SCARA5: variants seen among roughly 807,000 people sequenced by gnomAD.
SCARA5 encodes the protein scavenger receptor class A, member 5 (putative).
A neutral mutation model predicts 46.3 loss-of-function variants in SCARA5; 45 were observed. The observed-to-expected ratio is 0.97, with a 90% CI of 0.76 to 1.24. SCARA5 has a LOEUF of 1.24. Ranked by LOEUF, SCARA5 falls within the 50% of genes most tolerant of loss-of-function variation. The pLI is 0.00. For synonymous variants in SCARA5, 333 were observed against 306.5 expected (o/e 1.09, Z -0.90); for missense variants, 680 against 689.0 (o/e 0.99, Z 0.15).
intron 3 of SCARA5, among the ~76,000 whole-genome samples, chr8:27,935,397 G>C (rs1324580843): frequency 2.6e-5 from 4 of 152,134 alleles, no homozygotes; most frequent in African/African-American, 9.7e-5. Context: ...CAAGAGAATG[G>C]GGTCTCAATG....
At chr8:27,873,338 T>A (rs781144361) in intron 8 of SCARA5, among the ~76,000 whole-genome samples, 37 of 152,148 alleles carry the variant, frequency 2.4e-4, no homozygotes, top group Non-Finnish European at 4.0e-4. Flanking sequence ...TTCTTACTAA[T>A]ATAAGAAGAC....
At chr8:27,934,354 T>C (rs188342085) in intron 3 of SCARA5, among the ~76,000 whole-genome samples, 17 of 152,326 alleles carry the variant, frequency 1.1e-4, no homozygotes, top group Non-Finnish European at 2.4e-4. Flanking sequence ...CCCTGGGATT[T>C]CGACCTGGGA....
chr8:27,954,162 C>T (rs975422817), intron 3 of SCARA5, among the ~76,000 whole-genome samples: 3 of 152,182 alleles, frequency 2.0e-5, no homozygotes, highest in African/African-American at 7.2e-5. Flanking sequence ...TGGCTGTTCC[C>T]AGGTACCAGG....
At chr8:27,979,680 A>C (rs977124740) in intron 2 of SCARA5, among the ~76,000 whole-genome samples, 2 of 151,864 alleles carry the variant, frequency 1.3e-5, no homozygotes, top group East Asian at 1.9e-4. Context: ...CATTCTCCCA[A>C]GTAGCTGGGA....
chr8:27,983,169 C>G (rs779032325), intron 2 of SCARA5, among the ~76,000 whole-genome samples: 2 of 152,200 alleles, frequency 1.3e-5, no homozygotes, highest in Admixed American at 1.3e-4. Context: ...CTCAGCACTT[C>G]TGCCTGCAGG....
At chr8:27,985,078 A>G (rs1237491787) in intron 2 of SCARA5, among the ~76,000 whole-genome samples, 1 of 152,240 alleles carries the variant, frequency 6.6e-6, no homozygotes, top group Non-Finnish European at 1.5e-5. Flanking sequence ...TCAATAAGCA[A>G]AACAGAGATG....
chr8:27,971,332 G>C (rs1039315093), intron 2 of SCARA5, among the ~76,000 whole-genome samples: 1 of 152,236 alleles, frequency 6.6e-6, no homozygotes, highest in Admixed American at 6.5e-5. Context: ...ATTCACCAGG[G>C]TGTGAAGGAC....
chr8:27,934,681 C>T (rs1307213238), intron 3 of SCARA5, among the ~76,000 whole-genome samples: 1 of 152,230 alleles, frequency 6.6e-6, no homozygotes. Flanking sequence ...AGAGCTCTTC[C>T]TTGCATTAAC....
intron 1 of SCARA5, among the ~76,000 whole-genome samples, chr8:27,991,026 C>T (rs953032380): frequency 6.6e-6 from 1 of 152,224 alleles, no homozygotes; most frequent in Non-Finnish European, 1.5e-5. Context: ...CCATCTGTGC[C>T]CTGCAGCCCT....
chr8:27,978,624 C>T lies in SCARA5; in HGVS notation c.112+8880G>A, dbSNP rs537888910. Among the ~76,000 whole-genome samples, 7 of 152,260 alleles carry T rather than the reference C, an allele frequency of 4.6e-5. No homozygotes were observed. The South Asian group carries it at 1.4e-3, about 32-fold the overall frequency. On this transcript the variant is annotated intron_variant, in intron 2 of 8. Coordinates refer to ENST00000354914, the MANE Select transcript of SCARA5 (RefSeq NM_173833.6). Reference sequence around the variant, plus strand: ...CCGCCTGGTCAAGAGATCCTCTGGCCTCAGCCTCCCGAGTAGCTAGGGCTA... The same window carrying T: ...CCGCCTGGTCAAGAGATCCTCTGGCTTCAGCCTCCCGAGTAGCTAGGGCTA...
intron 4 of SCARA5, among the ~76,000 whole-genome samples, chr8:27,914,167 G>A (rs1169400890): frequency 6.6e-6 from 1 of 152,186 alleles, no homozygotes; most frequent in Non-Finnish European, 1.5e-5. Context: ...TCTCTTGCCT[G>A]CTGCCATGTA....
At chr8:27,926,985 C>G (rs758790425) in intron 3 of SCARA5, among the ~76,000 whole-genome samples, 2 of 152,114 alleles carry the variant, frequency 1.3e-5, no homozygotes, top group African/African-American at 2.4e-5. Flanking sequence ...AAACTGGGAT[C>G]TTGAGTTCTG....
At chr8:27,907,565 G>A (rs896434361) in intron 5 of SCARA5, among the ~76,000 whole-genome samples, 1 of 116,788 alleles carries the variant, frequency 8.6e-6, no homozygotes, top group Admixed American at 9.9e-5. Flanking sequence ...CTTAGAATCA[G>A]CAAACACTTT....
intron 7 of SCARA5, among the ~76,000 whole-genome samples, chr8:27,882,041 T>C (rs768595407): frequency 3.5e-4 from 53 of 152,324 alleles, no homozygotes; most frequent in Middle Eastern, 3.4e-3. Context: ...ACTATTCATC[T>C]CTCCCTCCTC....
intron 8 of SCARA5, among the ~76,000 whole-genome samples, chr8:27,874,502 A>T (rs1806692344): frequency 6.6e-6 from 1 of 152,228 alleles, no homozygotes; most frequent in Non-Finnish European, 1.5e-5. Flanking sequence ...ATTGGAACAC[A>T]GCCCCACCCA....
intron 2 of SCARA5, among the ~76,000 whole-genome samples, chr8:27,971,743 T>C (rs114770261): frequency 0.016 from 2,353 of 151,232 alleles, 27 homozygotes; most frequent in African/African-American, 0.026. Flanking sequence ...AAATGAACAG[T>C]GACTTGCCAG....
At chr8:27,981,252 T>C (rs1343357660) in intron 2 of SCARA5, among the ~76,000 whole-genome samples, 1 of 152,150 alleles carries the variant, frequency 6.6e-6, no homozygotes, top group Non-Finnish European at 1.5e-5. Flanking sequence ...ATCACAGGGT[T>C]TCATAAAAGG....
chr8:27,980,566 C>T (rs779424196), intron 2 of SCARA5, among the ~76,000 whole-genome samples: 9 of 152,142 alleles, frequency 5.9e-5, no homozygotes, highest in East Asian at 1.9e-4. Flanking sequence ...AGGCCATGCC[C>T]GTCTGCATGG....
chr8:27,874,509 C>A (rs762899528), intron 8 of SCARA5, among the ~76,000 whole-genome samples: 7 of 152,226 alleles, frequency 4.6e-5, no homozygotes, highest in Non-Finnish European at 7.3e-5. Flanking sequence ...CACAGCCCCA[C>A]CCATTTGATT....
Sources: allele counts gnomAD v4.1 joint callset (sites outside exome capture counted in the v4.1 genomes callset), GRCh38; gene constraint gnomAD v4.1.1; transcripts MANE v1.5; gene names NCBI Gene and HGNC (gene_info 2026-07-23, HGNC 2026-07-21).